CNTN5: variants seen among roughly 807,000 people sequenced by gnomAD.
CNTN5 encodes the protein contactin 5, also known as contactin-5.
In CNTN5, 77 loss-of-function variants were observed where a neutral mutation model predicts 129.1. That is an observed-to-expected ratio of 0.60 (90% confidence interval 0.50 to 0.72). The LOEUF (loss-of-function observed/expected upper bound fraction) is 0.72, where lower values mean the gene tolerates loss of function less well. Ranked by LOEUF, CNTN5 falls within the 30% of genes least tolerant of loss-of-function variation. The pLI is 0.00. For synonymous variants in CNTN5, 509 were observed against 465.6 expected (o/e 1.09, Z -1.20); for missense variants, 1,478 against 1,328.8 (o/e 1.11, Z -1.75).
At chr11:99,519,127 C>CT (rs756468694) in intron 2 of CNTN5, among the ~76,000 whole-genome samples, 14 of 152,002 alleles carry the variant, frequency 9.2e-5, no homozygotes, top group Non-Finnish European at 1.9e-4. Context: ...TCAAACTCGT[C>CT]TTTTTTTCTT....
chr11:99,914,444 CAT>C (rs777126438), intron 6 of CNTN5, among the ~76,000 whole-genome samples: 5 of 152,044 alleles, frequency 3.3e-5, no homozygotes, highest in African/African-American at 4.8e-5. Context: ...TACAGACAAT[CAT>C]GTGTATGTTG....
At chr11:99,773,842 C>T (rs1480486737) in intron 3 of CNTN5, among the ~76,000 whole-genome samples, 1 of 152,044 alleles carries the variant, frequency 6.6e-6, no homozygotes, top group African/African-American at 2.4e-5. Context: ...GTGAGATGAT[C>T]CCTGTCTTCC....
At chr11:99,553,355 T>C (rs1226102892) in intron 2 of CNTN5, among the ~76,000 whole-genome samples, 1 of 152,108 alleles carries the variant, frequency 6.6e-6, no homozygotes, top group Non-Finnish European at 1.5e-5. Flanking sequence ...GTAACTTTTA[T>C]TCATTGATTA....
intron 1 of CNTN5, among the ~76,000 whole-genome samples, chr11:99,092,104 T>C (rs911097986): frequency 6.6e-6 from 1 of 152,164 alleles, no homozygotes; most frequent in Admixed American, 6.5e-5. Context: ...ATGTGTTTTT[T>C]GTTGTTTAGT....
At chr11:100,205,415 A>G (rs1282035558) in intron 15 of CNTN5, among the ~76,000 whole-genome samples, 1 of 152,070 alleles carries the variant, frequency 6.6e-6, no homozygotes, top group Non-Finnish European at 1.5e-5. Flanking sequence ...TTTCTCTCTC[A>G]GAAAAGGAGG....
intron 2 of CNTN5, among the ~76,000 whole-genome samples, chr11:99,463,682 T>C (rs1944822954): frequency 1.3e-5 from 2 of 152,126 alleles, no homozygotes; most frequent in South Asian, 4.1e-4. Flanking sequence ...TAATATATTA[T>C]AGATTCCTTT....
intron 1 of CNTN5, among the ~76,000 whole-genome samples, chr11:99,239,115 T>G (rs1861418475): frequency 6.6e-6 from 1 of 152,104 alleles, no homozygotes. Context: ...ACAAAATGTT[T>G]GATCACATAA....
At chr11:99,417,449 C>T (rs991622284) in intron 2 of CNTN5, among the ~76,000 whole-genome samples, 11 of 152,006 alleles carry the variant, frequency 7.2e-5, no homozygotes, top group Non-Finnish European at 1.3e-4. Flanking sequence ...CACAATGTAC[C>T]GTCAACTTGG....
intron 3 of CNTN5, among the ~76,000 whole-genome samples, chr11:99,686,881 C>T (rs540317129): frequency 6.6e-6 from 1 of 152,198 alleles, no homozygotes; most frequent in South Asian, 2.1e-4. Flanking sequence ...CTTTATTTTG[C>T]CAGCCAAATT....
At chr11:99,827,428 T>A (rs1946999158) in intron 4 of CNTN5, among the ~76,000 whole-genome samples, 1 of 152,202 alleles carries the variant, frequency 6.6e-6, no homozygotes, top group Non-Finnish European at 1.5e-5. Context: ...TGTCTAATTG[T>A]CTTCTGTGTG....
intron 2 of CNTN5, among the ~76,000 whole-genome samples, chr11:99,336,053 T>C (rs927318613): frequency 2.0e-5 from 3 of 152,178 alleles, no homozygotes; most frequent in Non-Finnish European, 4.4e-5. Flanking sequence ...AAAAAACTTT[T>C]TGTTTTTAGA....
At chr11:99,073,228 A>G (rs937948442) in intron 1 of CNTN5, among the ~76,000 whole-genome samples, 3 of 150,754 alleles carry the variant, frequency 2.0e-5, no homozygotes, top group Admixed American at 1.3e-4. Flanking sequence ...TTTGGTGGCT[A>G]TATATCCCAA....
chr11:99,706,086 G>C (rs992619526), intron 3 of CNTN5, among the ~76,000 whole-genome samples: 2 of 151,424 alleles, frequency 1.3e-5, no homozygotes, highest in Non-Finnish European at 3.0e-5. Flanking sequence ...TTAACATAAA[G>C]AGTAATGATA....
intron 3 of CNTN5, among the ~76,000 whole-genome samples, chr11:99,648,669 C>A (rs1423548144): frequency 1.3e-5 from 2 of 151,572 alleles, no homozygotes. Context: ...CCCAAATGTC[C>A]AAGAGGAAAC....
intron 2 of CNTN5, among the ~76,000 whole-genome samples, chr11:99,535,513 A>G (rs1031793348): frequency 6.6e-6 from 1 of 152,172 alleles, no homozygotes; most frequent in Non-Finnish European, 1.5e-5. Context: ...GGATCCCATT[A>G]GAATCACATG....
At chr11:99,403,094 C>T (rs966536490) in intron 2 of CNTN5, among the ~76,000 whole-genome samples, 1 of 151,412 alleles carries the variant, frequency 6.6e-6, no homozygotes, top group East Asian at 2.0e-4. Flanking sequence ...GCAAGCTCCA[C>T]CTCCCGGGTT....
At chr11:99,962,191 G>A (rs7926421) in intron 8 of CNTN5, among the ~76,000 whole-genome samples, 33,466 of 151,964 alleles carry the variant, frequency 0.22, 4,351 homozygotes, top group African/African-American at 0.35. Context: ...AAGTTTTAGA[G>A]TACACGTGCA....
At chr11:99,292,202 C>T (rs1023895048) in intron 1 of CNTN5, among the ~76,000 whole-genome samples, 6 of 150,566 alleles carry the variant, frequency 4.0e-5, no homozygotes, top group African/African-American at 1.2e-4. Flanking sequence ...ATTGAAAAGG[C>T]CTTTGACTAG....
chr11:99,200,234 T>C (rs1351583337), intron 1 of CNTN5, among the ~76,000 whole-genome samples: 2 of 152,226 alleles, frequency 1.3e-5, no homozygotes, highest in Non-Finnish European at 2.9e-5. Flanking sequence ...AGCCAAGCCA[T>C]GCTCTCTAAA....
Sources: gnomAD v4.1 joint callset for allele counts (sites outside exome capture counted in the v4.1 genomes callset) on GRCh38, gnomAD v4.1.1 for gene constraint, MANE v1.5 for transcripts, NCBI Gene and HGNC (gene_info 2026-07-23, HGNC 2026-07-21) for gene names.